The following ATP2A2 variants were observed in gnomAD, a reference collection of about 807,000 sequenced individuals.
ATP2A2 encodes sarcoplasmic/endoplasmic reticulum calcium ATPase 2.
Under a neutral mutation model 109.3 loss-of-function variants are expected in ATP2A2, and 14 were observed. The ratio of observed to expected loss-of-function variants is 0.13; its 90% confidence interval spans 0.08 to 0.20. The LOEUF is 0.20. ATP2A2 is among the 10% of genes least tolerant of loss of function. The pLI, the probability that ATP2A2 is intolerant of heterozygous loss-of-function variation, is 1.00. For synonymous variants in ATP2A2, 506 were observed against 490.9 expected (o/e 1.03, Z -0.41); for missense variants, 657 against 1,321.6 (o/e 0.50, Z 7.80).
intron 18 of ATP2A2, 142 bp downstream of exon 18, chr12:110,345,524 A>C: frequency 7.7e-7 from 1 of 1,294,346 alleles, no homozygotes; most frequent in Non-Finnish European, 1.1e-6. Flanking sequence ...TACCAGTTTT[A>C]AAAGCATGAG....
intron 7 of ATP2A2, among the ~76,000 whole-genome samples, chr12:110,326,868 TTAA>T (rs1478328038): frequency 6.6e-6 from 1 of 152,328 alleles, no homozygotes; most frequent in African/African-American, 2.4e-5. Flanking sequence ...TGGCAAACCA[TTAA>T]TAATGGTGAG....
intron 5 of ATP2A2, among the ~76,000 whole-genome samples, chr12:110,315,953 G>C (rs1194522488): frequency 2.6e-5 from 4 of 152,040 alleles, no homozygotes; most frequent in African/African-American, 9.7e-5. Context: ...TTGGTGTGGT[G>C]GTGGGCACCT....
chr12:110,339,333 G>T lies in ATP2A2; in HGVS notation c.1472G>T (p.Arg491Ile). The T allele has an allele frequency of 6.2e-7, 1 of 1,614,120 alleles. No homozygotes were observed. Among genetic ancestry groups the T allele is most frequent in the South Asian group, 1.1e-5 (1 of 91,048 alleles). Residue 491 changes from arginine to isoleucine, a missense_variant, in exon 12 of 20, where the codon AGA (arginine) becomes ATA (isoleucine). Physicochemically the swap from Arg to Ile is moderately conservative, Grantham distance 97. Transcript: ENST00000539276. This position sits in a 1 kb window ranked among gnomAD's most constrained non-coding sequence, Gnocchi z 4.4. Reference protein sequence around the residue: ...KEFTLEFSRDRKSMSVYCTPN... With the variant: ...KEFTLEFSRDIKSMSVYCTPN... The stretch of plus-strand genomic sequence containing the variant: ...TTCACTCTAGAGTTTTCACGTGACA[G>T]AAAGTCAATGTCGGTTTACTGTACA...
Position 110,282,706 on chromosome 12 carries a change from C to T in ATP2A2, c.137-7C>T, listed in dbSNP as rs750600411. On this transcript the variant is annotated splice_polypyrimidine_tract_variant and splice_region_variant and intron_variant, in intron 2 of 19. Coordinates refer to ENST00000539276, the MANE Select transcript of ATP2A2 (RefSeq NM_170665.4). The stretch of plus-strand genomic sequence containing the variant: ...ACAGTTAAAACACATGTGTTTGTTT[C>T]TTACAGGAAAAACCTTGCTGGAACT... The T allele has an allele frequency of 6.2e-7, 1 of 1,613,926 alleles. No individual in the cohort carries two copies. Among genetic ancestry groups the T allele is most frequent in the Non-Finnish European group, 8.5e-7 (1 of 1,179,942 alleles).
chr12:110,306,318 C>T (rs768800073), intron 5 of ATP2A2, among the ~76,000 whole-genome samples: 20 of 152,200 alleles, frequency 1.3e-4, no homozygotes, highest in African/African-American at 3.4e-4. Context: ...GGATTACAGG[C>T]GTGAGCCACC....
rs1555276964 is a variant in ATP2A2, at chr12:110,293,385, T to TTG, written c.324+1262_324+1263insGT. ...TCCCGGCCTTTTTTTTTTTTTTTTT[T>TTG]TTTGTTTGTTTGTTTGTTTGTTTGT... is the stretch of plus-strand genomic sequence containing the variant. On this transcript the variant is annotated intron_variant, in intron 4 of 19. Coordinates refer to ENST00000539276, the MANE Select transcript of ATP2A2 (RefSeq NM_170665.4). Among the ~76,000 whole-genome samples, 103 of 114,384 alleles carry TTG rather than the reference T, an allele frequency of 9.0e-4. 1 individual carries two copies. The highest frequency in any genetic ancestry group is 3.9e-3 in the African/African-American group (101 of 26,080). The allele number at this position is 114,384 out of a possible 152,430, so 75.0% of individuals were successfully genotyped here. A position where few individuals can be genotyped will look rare whatever the true frequency, so the allele number is the denominator to read the frequency against.
intron 4 of ATP2A2, among the ~76,000 whole-genome samples, chr12:110,295,701 T>C (rs1274641550): frequency 6.6e-6 from 1 of 152,238 alleles, no homozygotes; most frequent in African/African-American, 2.4e-5. Flanking sequence ...TGATTCTCTT[T>C]AGGCTGGTTT....
intron 5 of ATP2A2, among the ~76,000 whole-genome samples, chr12:110,298,605 C>T (rs573123207): frequency 4.6e-5 from 7 of 152,262 alleles, no homozygotes; most frequent in East Asian, 3.9e-4. Flanking sequence ...GTAGTCCGAG[C>T]TCCTCGGGAG....
rs761373341 is a variant in ATP2A2 at position 110,281,814 on chromosome 12, G to C, written c.25G>C (p.Val9Leu). The C allele has an allele frequency of 6.5e-6, 10 of 1,549,012 alleles. No homozygotes were observed. The South Asian group carries it at 1.2e-4, about 19-fold the overall frequency. The change falls in exon 1 of 20, where the codon GTG becomes CTG. Residue 9 changes from valine (V) to leucine (L), a missense_variant. Coordinates refer to ENST00000539276, the MANE Select transcript of ATP2A2 (RefSeq NM_170665.4). ...CATGGAGAACGCGCACACCAAGACGGTGGAGGAGGTGCTGGGCCACTTCGG... is the reference window on the plus strand; with the variant it reads ...CATGGAGAACGCGCACACCAAGACGCTGGAGGAGGTGCTGGGCCACTTCGG... MENAHTKT[V>L]EEVLGHFGVN...
rs1294000088 is a variant in ATP2A2 at position 110,350,987 on chromosome 12, G to GT, written c.*4520dup. 2.0e-5 allele frequency: 3 copies of GT among 153,276 alleles called. No individual in the cohort carries two copies. The highest frequency in any genetic ancestry group is 7.2e-5 in the African/African-American group (3 of 41,468). 9.5% of individuals were successfully genotyped at this position (153,276 alleles called of 1,614,324 possible). ...TAAATGTCAATTTATCACTGCGCATGTTTGACTTTAGACTGTAAATAGAGA... is the reference window on the plus strand; with the variant it reads ...TAAATGTCAATTTATCACTGCGCATGTTTTGACTTTAGACTGTAAATAGAGA... On this transcript the variant is annotated 3_prime_UTR_variant, in exon 20 of 20. Coordinates refer to ENST00000539276, the MANE Select transcript of ATP2A2 (RefSeq NM_170665.4).
At chr12:110,323,876 T>C (rs565608927) in intron 6 of ATP2A2, among the ~76,000 whole-genome samples, 7 of 152,368 alleles carry the variant, frequency 4.6e-5, no homozygotes, top group Admixed American at 1.3e-4. Context: ...AAATTACTTA[T>C]TCGATGTCCT....
At chr12:110,336,359 A>G (rs1410558792) in intron 11 of ATP2A2, among the ~76,000 whole-genome samples, 1 of 152,140 alleles carries the variant, frequency 6.6e-6, no homozygotes, top group African/African-American at 2.4e-5. Context: ...TCATTTAGCA[A>G]AATGATTAGT....
chr12:110,320,500 A>G (rs942747823), intron 5 of ATP2A2, among the ~76,000 whole-genome samples: 1 of 152,226 alleles, frequency 6.6e-6, no homozygotes, highest in Non-Finnish European at 1.5e-5. Context: ...GTTCGAGGGC[A>G]TGTAGGATCA....
At chr12:110,313,062 A>C (rs562840227) in intron 5 of ATP2A2, among the ~76,000 whole-genome samples, 196 of 152,250 alleles carry the variant, frequency 1.3e-3, no homozygotes, top group African/African-American at 4.5e-3. Context: ...TAGCTAAGAC[A>C]TTAAGAACTG....
intron 4 of ATP2A2, among the ~76,000 whole-genome samples, chr12:110,293,879 T>TC (rs1873663101): frequency 7.2e-6 from 1 of 138,482 alleles, no homozygotes; most frequent in Non-Finnish European, 1.6e-5. Context: ...TATTTTTTTT[T>TC]TTTTTTTTTT....
intron 5 of ATP2A2, among the ~76,000 whole-genome samples, chr12:110,321,784 A>G (rs1877271579): frequency 6.6e-6 from 1 of 152,142 alleles, no homozygotes; most frequent in Non-Finnish European, 1.5e-5. Flanking sequence ...ATACCAGCAG[A>G]GGGCTGGGCA....
rs751772486 is a variant in ATP2A2 at position 110,292,115 on chromosome 12, T to C, written c.315T>C (p.Gly105=). 3 of 1,613,890 alleles carry C rather than the reference T, an allele frequency of 1.9e-6. No homozygotes were observed. Among genetic ancestry groups the C allele is most frequent in the Non-Finnish European group, 2.5e-6 (3 of 1,179,772 alleles). Residue 105 remains glycine (G), a synonymous_variant, in exon 4 of 20, where the codon GGT becomes GGC. Coordinates refer to ENST00000539276, the MANE Select transcript of ATP2A2 (RefSeq NM_170665.4). ...TATTAGTAGCCAATGCAATTGTGGG[T>C]GTATGGCAGGTAAGCAAAAATTCCT... ...LLILVANAIV[G]VWQERNAENA...
At chr12:110,304,457 T>C (rs1351616100) in intron 5 of ATP2A2, among the ~76,000 whole-genome samples, 3 of 152,240 alleles carry the variant, frequency 2.0e-5, no homozygotes, top group Admixed American at 2.0e-4. Flanking sequence ...AGACATGTCA[T>C]TGTCTATCGT....
chr12:110,282,314 A>T (rs531038097), intron 1 of ATP2A2, among the ~76,000 whole-genome samples: 1 of 152,300 alleles, frequency 6.6e-6, no homozygotes, highest in East Asian at 1.9e-4. Flanking sequence ...GGCAGAAGTG[A>T]TGACATCGCT....
Sources: gnomAD v4.1 joint callset for allele counts (sites outside exome capture counted in the v4.1 genomes callset) on GRCh38, gnomAD v4.1.1 for gene constraint, Gnocchi (gnomAD v3.1) non-coding constraint, MANE v1.5 for transcripts, NCBI Gene and HGNC (gene_info 2026-07-23, HGNC 2026-07-21) for gene names.